Variants in KMT5A observed in about 807,000 individuals in gnomAD.
The protein encoded by KMT5A is N-lysine methyltransferase KMT5A.
In KMT5A, 6 loss-of-function variants were observed where a neutral mutation model predicts 40.6. That is an observed-to-expected ratio of 0.15 (90% confidence interval 0.08 to 0.29). The LOEUF is 0.29. Among genes scored for constraint, KMT5A ranks in the 10% least tolerant of loss-of-function variants. The pLI is 1.00. For missense variants in KMT5A, 308 were observed against 459.1 expected (o/e 0.67, Z 3.01); for synonymous variants, 153 against 178.8 (o/e 0.86, Z 1.15).
intron 5 of KMT5A, among the ~76,000 whole-genome samples, chr12:123,397,906 C>T (rs971771594): frequency 6.6e-5 from 10 of 151,300 alleles, no homozygotes; most frequent in Non-Finnish European, 1.2e-4. Context: ...CTCTCGACCT[C>T]GGGTGATCCG....
At chr12:123,403,508 C>A (rs1878329211) in intron 5 of KMT5A, 65 bp from the exon 6 acceptor site, 9 of 1,579,932 alleles carry the variant, frequency 5.7e-6, no homozygotes, top group African/African-American at 1.3e-5. Flanking sequence ...GGCTCAAGAC[C>A]ATCAAGCTAC....
At chr12:123,394,859 C>T (rs531470545) in intron 3 of KMT5A, among the ~76,000 whole-genome samples, 188 bp from the exon 4 acceptor site, 8 of 152,242 alleles carry the variant, frequency 5.3e-5, no homozygotes, top group African/African-American at 1.7e-4. Context: ...GTCAAAAAAT[C>T]GAGCTGGAGC....
In KMT5A at chr12:123,400,365, A is replaced by ATT. The variant is rs35326700; in HGVS notation, c.598-3196_598-3195dup. Among the ~76,000 whole-genome samples, 662 of 145,874 alleles carry ATT rather than the reference A, an allele frequency of 4.5e-3. 4 individuals are homozygous for ATT. The highest frequency in any genetic ancestry group is 0.021 in the South Asian group (99 of 4,660). On this transcript the variant is annotated intron_variant, in intron 5 of 7. Coordinates refer to ENST00000402868, the MANE Select transcript of KMT5A (RefSeq NM_020382.7). ...GTTTTTAAAATGTTTTTATTTTGCA[A>ATT]TTTTTTTTTTTTTGAGACAGAGTCT...
chr12:123,391,993 TGAAA>T (rs1274666774), intron 3 of KMT5A, among the ~76,000 whole-genome samples: 2 of 152,234 alleles, frequency 1.3e-5, no homozygotes, highest in Non-Finnish European at 2.9e-5. Context: ...GTTTGCCACC[TGAAA>T]GAAGGAGGCT....
chr12:123,395,423 CTG>C (rs1330398106), intron 4 of KMT5A, among the ~76,000 whole-genome samples, 157 bp downstream of exon 4: 2 of 152,170 alleles, frequency 1.3e-5, no homozygotes, highest in African/African-American at 2.4e-5. Flanking sequence ...AGGGATGCCA[CTG>C]TTTGTCAGTT....
rs772805170 is a variant in KMT5A at position 123,407,452 on chromosome 12, C to T, written c.849-41C>T. ...TGACTCTCTTCAGGTTGAAAAGCCT[C>T]TTTATCCATTTAATCCTCTCTGGCC... On this transcript the variant is annotated intron_variant, in intron 7 of 7. Coordinates refer to ENST00000402868, the MANE Select transcript of KMT5A (RefSeq NM_020382.7). The T allele has an allele frequency of 3.1e-6, 5 of 1,597,528 alleles. No homozygotes were observed. The South Asian group carries it at 5.5e-5, about 18-fold the overall frequency.
rs376869233 is a variant in KMT5A at position 123,395,079 on chromosome 12, G to T, written c.322G>T (p.Ala108Ser). The change falls in exon 4 of 8, where the codon GCC (alanine) becomes TCC (serine). Residue 108 changes from alanine to serine, a missense_variant. This residue lies in a region of KMT5A where 127 missense variants were observed against 129.8 expected (regional missense o/e 0.98). Coordinates refer to ENST00000402868, the MANE Select transcript of KMT5A (RefSeq NM_020382.7). ...KRNAGNAVRS[A>S]MKSEEQKIKD... ...AAATGCTGGGAACGCAGTACGGAGC[G>T]CCATGAAGTCCGAGGAACAGAAGAT... The T allele has an allele frequency of 6.3e-7, 1 of 1,586,148 alleles. No individual in the cohort carries two copies. The highest frequency in any genetic ancestry group is 8.6e-7 in the Non-Finnish European group (1 of 1,166,014).
chr12:123,402,697 G>A (rs1878268120), intron 5 of KMT5A, among the ~76,000 whole-genome samples: 1 of 152,196 alleles, frequency 6.6e-6, no homozygotes, highest in Admixed American at 6.5e-5. Context: ...GGTGGCCTTA[G>A]AGGAGAGGTG....
At position 123,405,517 on chromosome 12, in the gene KMT5A, C is replaced by CTT. The variant is rs35093204; in HGVS notation, c.848+468_848+469dup. Among the ~76,000 whole-genome samples, 51 of 78,046 alleles carry CTT rather than the reference C, an allele frequency of 6.5e-4. 7 individuals carry two copies. Among genetic ancestry groups the CTT allele is most frequent in the African/African-American group, 2.7e-3 (46 of 17,282 alleles). The allele number at this position is 78,046 out of a possible 152,430, so 51.2% of individuals were successfully genotyped here. A position where few individuals can be genotyped will look rare whatever the true frequency, so the allele number is the denominator to read the frequency against. ...CTGTGATGCAATTATCGCCTGCTTC[C>CTT]TTTTTTTTTTTTTTTTTTTTTTTTT... On this transcript the variant is annotated intron_variant, in intron 7 of 7. Coordinates refer to ENST00000402868, the MANE Select transcript of KMT5A (RefSeq NM_020382.7).
intron 3 of KMT5A, chr12:123,390,993 A>G (rs1877276746): frequency 1.7e-5 from 10 of 571,706 alleles, no homozygotes; most frequent in South Asian, 1.5e-4. Context: ...TGCTTTCACA[A>G]GAGTTAGCAT....
At chr12:123,396,813 G>T (rs1048082208) in intron 5 of KMT5A, among the ~76,000 whole-genome samples, 5 of 152,212 alleles carry the variant, frequency 3.3e-5, no homozygotes, top group African/African-American at 1.2e-4. Context: ...TTTTCTGGAA[G>T]TTTCCATGTT....
intron 7 of KMT5A, 21 bp from the exon 8 acceptor site, chr12:123,407,472 C>G (rs1235897222): frequency 5.0e-6 from 8 of 1,612,366 alleles, no homozygotes; most frequent in Non-Finnish European, 6.8e-6. Flanking sequence ...TTAATCCTCT[C>G]TGGCCCTCCT....
chr12:123,386,068 T>C (rs1342185625), intron 1 of KMT5A, among the ~76,000 whole-genome samples: 1 of 152,066 alleles, frequency 6.6e-6, no homozygotes, highest in Non-Finnish European at 1.5e-5. Flanking sequence ...GTTTGTCAGC[T>C]CCTCCCATGG....
At chr12:123,406,613 G>A (rs994909212) in intron 7 of KMT5A, among the ~76,000 whole-genome samples, 4 of 152,104 alleles carry the variant, frequency 2.6e-5, no homozygotes, top group Admixed American at 2.6e-4. Flanking sequence ...CGCGCCTGGC[G>A]GGGTTGATTT....
chr12:123,387,318 G>A (rs552818739), intron 1 of KMT5A, among the ~76,000 whole-genome samples: 22 of 152,350 alleles, frequency 1.4e-4, no homozygotes, highest in Admixed American at 6.5e-4. Context: ...CTCAAATGCA[G>A]AGAAAGCTAT....
chr12:123,396,392 C>T lies in KMT5A; in HGVS notation c.557C>T (p.Pro186Leu), dbSNP rs1328563147. 1.2e-6 allele frequency: 2 copies of T among 1,613,944 alleles called. No homozygotes were observed. The highest frequency in any genetic ancestry group is 3.3e-5 in the Admixed American group (2 of 60,000). ...QQNRKLTDFY[P>L]VRRSSRKSKA... is the part of the protein sequence containing the mutation. ...AATCGCAAACTTACGGATTTCTACC[C>T]TGTCCGAAGGAGCTCCAGGAAGAGC... The change falls in exon 5 of 8, where the codon CCT becomes CTT. Residue 186 changes from proline (P) to leucine (L), a missense_variant. Around this residue, in one of 4 missense-constraint regions of KMT5A, gnomAD observed 127 missense variants for 129.8 expected, o/e 0.98. Coordinates refer to ENST00000402868, the MANE Select transcript of KMT5A (RefSeq NM_020382.7).
At chr12:123,395,297 G>A (rs763992160) in intron 4 of KMT5A, 31 bp downstream of exon 4, 27 of 1,598,234 alleles carry the variant, frequency 1.7e-5, no homozygotes, top group African/African-American at 1.3e-5. Context: ...TCTTCCTAAC[G>A]TGGAGCAGTT....
chr12:123,384,677 C>T lies in KMT5A; in HGVS notation c.10+469C>T, dbSNP rs536041999. ...TTGGGGTGCGCGTCAGGGTGGACAC[C>T]GCAGCAGGCGCCTTTCCTCCCTCCC... On this transcript the variant is annotated intron_variant, in intron 1 of 7. Coordinates refer to ENST00000402868, the MANE Select transcript of KMT5A (RefSeq NM_020382.7). This position sits in a 1 kb window ranked among gnomAD's most constrained non-coding sequence, Gnocchi z 5.7. Among the ~76,000 whole-genome samples the T allele has an allele frequency of 2.9e-4, 44 of 152,348 alleles. No homozygotes were observed. Among genetic ancestry groups the T allele is most frequent in the African/African-American group, 9.9e-4 (41 of 41,578 alleles).
Position 123,385,846 on chromosome 12 carries a change from C to T in KMT5A, c.10+1638C>T, listed in dbSNP as rs371473627. 1.4e-4 allele frequency among the ~76,000 whole-genome samples: 22 copies of T among 152,058 alleles called. No individual in the cohort carries two copies. The East Asian group carries it at 1.5e-3, about 11-fold the overall frequency. On this transcript the variant is annotated intron_variant, in intron 1 of 7. Coordinates refer to ENST00000402868, the MANE Select transcript of KMT5A (RefSeq NM_020382.7). Reference sequence around the variant, plus strand: ...CAGCATGGGCAACAGAGCAAGACTCCATCTCAAAAAAACAAACAAGAACAA... The same window carrying T: ...CAGCATGGGCAACAGAGCAAGACTCTATCTCAAAAAAACAAACAAGAACAA...
Sources: allele counts gnomAD v4.1 joint callset (sites outside exome capture counted in the v4.1 genomes callset), GRCh38; gene constraint gnomAD v4.1.1; regional missense constraint gnomAD v4.1.1; non-coding constraint Gnocchi (gnomAD v3.1); transcripts MANE v1.5; gene names NCBI Gene and HGNC (gene_info 2026-07-23, HGNC 2026-07-21).